Variants in C8orf34 observed in about 807,000 individuals in gnomAD.
C8orf34 encodes chromosome 8 open reading frame 34.
In C8orf34, 65 loss-of-function variants were observed where a neutral mutation model predicts 68.3. The ratio of observed to expected loss-of-function variants is 0.95; its 90% confidence interval spans 0.78 to 1.17. The LOEUF (loss-of-function observed/expected upper bound fraction) is 1.17. Ranked by LOEUF, C8orf34 falls within the 50% of genes most tolerant of loss-of-function variation. The pLI, the probability that C8orf34 is intolerant of heterozygous loss-of-function variation, is 0.00. For missense variants in C8orf34, 664 were observed against 655.4 expected (o/e 1.01, Z -0.14); for synonymous variants, 244 against 241.2 (o/e 1.01, Z -0.11).
intron 5 of C8orf34, among the ~76,000 whole-genome samples, chr8:68,488,639 T>G (rs1813179184): frequency 6.6e-6 from 1 of 152,148 alleles, no homozygotes; most frequent in Non-Finnish European, 1.5e-5. Flanking sequence ...GTTTGGGAGA[T>G]GAGCAACTAG....
chr8:68,712,187 C>T (rs576090745), intron 9 of C8orf34, among the ~76,000 whole-genome samples: 1 of 152,232 alleles, frequency 6.6e-6, no homozygotes, highest in East Asian at 1.9e-4. Context: ...CTAAAAGGAA[C>T]TCTAAGTCCT....
At chr8:68,811,194 G>A (rs535385565) in intron 12 of C8orf34, among the ~76,000 whole-genome samples, 61 of 152,306 alleles carry the variant, frequency 4.0e-4, no homozygotes, top group Admixed American at 1.0e-3. Context: ...GGCAGCAGGG[G>A]GCTGACATGT....
intron 1 of C8orf34, among the ~76,000 whole-genome samples, chr8:68,383,235 A>T (rs901947603): frequency 1.2e-4 from 19 of 152,144 alleles, no homozygotes; most frequent in Admixed American, 3.9e-4. Context: ...TTTTATTGAA[A>T]ATTCTGAATT....
intron 3 of C8orf34, among the ~76,000 whole-genome samples, chr8:68,461,442 G>T (rs1266376818): frequency 1.3e-5 from 2 of 152,076 alleles, no homozygotes; most frequent in Admixed American, 1.3e-4. Flanking sequence ...TACTGAGAAC[G>T]CCACAAAGAT....
At chr8:68,349,661 T>C (rs565174507) in intron 1 of C8orf34, among the ~76,000 whole-genome samples, 1 of 152,146 alleles carries the variant, frequency 6.6e-6, no homozygotes, top group East Asian at 1.9e-4. Context: ...GAGCTTGTTA[T>C]TGGTCTGTTC....
intron 7 of C8orf34, among the ~76,000 whole-genome samples, chr8:68,541,015 G>A (rs535291170): frequency 5.3e-5 from 8 of 152,160 alleles, no homozygotes; most frequent in South Asian, 4.1e-4. Flanking sequence ...CTTCGCCACC[G>A]ACCCTAATTA....
intron 12 of C8orf34, among the ~76,000 whole-genome samples, chr8:68,815,394 A>G (rs1824779906): frequency 6.6e-6 from 1 of 152,258 alleles, no homozygotes; most frequent in South Asian, 2.1e-4. Flanking sequence ...AGACACACAC[A>G]TATATATACT....
chr8:68,543,344 T>C (rs1815761826), intron 7 of C8orf34, among the ~76,000 whole-genome samples: 1 of 152,144 alleles, frequency 6.6e-6, no homozygotes, highest in African/African-American at 2.4e-5. Flanking sequence ...AGATATTTAA[T>C]GTAGAAAGCA....
At chr8:68,368,375 TTGGCTCTGTATTA>T (rs532288722) in intron 1 of C8orf34, among the ~76,000 whole-genome samples, 392 of 152,304 alleles carry the variant, frequency 2.6e-3, no homozygotes, top group Middle Eastern at 0.01. Flanking sequence ...TATTTCCTCT[TTGGCTCTGTATTA>T]TGGCTCTGTA....
intron 6 of C8orf34, chr8:68,530,637 G>C (rs1207401676): frequency 8.2e-7 from 1 of 1,216,882 alleles, no homozygotes; most frequent in Admixed American, 2.7e-5. Flanking sequence ...AGATGCCATG[G>C]CAAGAGACTG....
intron 7 of C8orf34, among the ~76,000 whole-genome samples, chr8:68,638,002 C>A (rs1818895877): frequency 6.6e-6 from 1 of 152,110 alleles, no homozygotes; most frequent in East Asian, 1.9e-4. Flanking sequence ...GAAAAAGAGT[C>A]ATTGTGGGTA....
intron 10 of C8orf34, among the ~76,000 whole-genome samples, chr8:68,771,265 T>C (rs1823327243): frequency 6.6e-6 from 1 of 152,204 alleles, no homozygotes; most frequent in South Asian, 2.1e-4. Flanking sequence ...CCTGTTCTTT[T>C]GGACATGAAT....
At chr8:68,711,116 G>C (rs1417542409) in intron 9 of C8orf34, among the ~76,000 whole-genome samples, 2 of 152,122 alleles carry the variant, frequency 1.3e-5, no homozygotes, top group Non-Finnish European at 2.9e-5. Flanking sequence ...TAGGGGAAGG[G>C]GGAGAACACA....
At chr8:68,678,438 A>G (rs1820259782) in intron 8 of C8orf34, among the ~76,000 whole-genome samples, 1 of 152,208 alleles carries the variant, frequency 6.6e-6, no homozygotes, top group Non-Finnish European at 1.5e-5. Context: ...AATATATGCA[A>G]ATGAATCAGT....
intron 3 of C8orf34, chr8:68,447,812 A>G (rs1442751198): frequency 6.6e-6 from 1 of 152,212 alleles, no homozygotes; most frequent in Non-Finnish European, 1.5e-5. Context: ...AATGTTCTTC[A>G]GAAATTGTGA....
intron 10 of C8orf34, among the ~76,000 whole-genome samples, chr8:68,756,941 G>A (rs1822879374): frequency 6.6e-6 from 1 of 152,070 alleles, no homozygotes; most frequent in South Asian, 2.1e-4. Flanking sequence ...GTTGACAGAT[G>A]GGTTAATAAA....
At chr8:68,399,780 T>C (rs1808868907) in intron 1 of C8orf34, among the ~76,000 whole-genome samples, 1 of 152,140 alleles carries the variant, frequency 6.6e-6, no homozygotes, top group Non-Finnish European at 1.5e-5. Flanking sequence ...CCACCAACAG[T>C]GTGTAAGCGT....
chr8:68,721,631 C>T (rs555463974), intron 10 of C8orf34, among the ~76,000 whole-genome samples, 194 bp downstream of exon 10: 120 of 151,960 alleles, frequency 7.9e-4, no homozygotes, highest in African/African-American at 2.7e-3. Context: ...TAACTGCTTG[C>T]TTGTGCATGT....
intron 7 of C8orf34, among the ~76,000 whole-genome samples, chr8:68,610,747 G>T (rs534395853): frequency 2.4e-4 from 37 of 152,050 alleles, no homozygotes; most frequent in Admixed American, 6.6e-4. Context: ...AGTAACTAAT[G>T]AGGGAATGTT....
Sources: allele counts gnomAD v4.1 joint callset (sites outside exome capture counted in the v4.1 genomes callset), GRCh38; gene constraint gnomAD v4.1.1; transcripts MANE v1.5; gene names NCBI Gene and HGNC (gene_info 2026-07-23, HGNC 2026-07-21).